PRPF39: variants seen among roughly 807,000 people sequenced by gnomAD.
The protein encoded by PRPF39 is pre-mRNA-processing factor 39.
In PRPF39, 27 loss-of-function variants were observed where a neutral mutation model predicts 82.1. The observed-to-expected ratio is 0.33, with a 90% CI of 0.24 to 0.45. The LOEUF is 0.45. Ranked by LOEUF, PRPF39 falls within the 20% of genes least tolerant of loss-of-function variation. PRPF39 has a pLI of 1.00. For synonymous variants in PRPF39, 261 were observed against 256.4 expected, an observed-to-expected ratio of 1.02 and a Z score of -0.17; for missense variants, 581 against 796.9, an observed-to-expected ratio of 0.73 and a Z score of 3.26.
At chr14:45,107,428 A>G (rs1459700288) in intron 5 of PRPF39, 23 bp from the exon 6 acceptor site, 1 of 1,453,610 alleles carries the variant, frequency 6.9e-7, no homozygotes, top group Admixed American at 2.0e-5. Context: ...TCAAATACAT[A>G]TATTTTTATT....
intron 1 of PRPF39, among the ~76,000 whole-genome samples, chr14:45,088,587 T>C (rs1009871991): frequency 6.6e-6 from 1 of 152,242 alleles, no homozygotes. Context: ...TGTTTCTTAC[T>C]ATTCATGTAC....
chr14:45,110,324 A>AC lies in PRPF39; in HGVS notation c.1303+105dup. On this transcript the variant is annotated intron_variant, in intron 9 of 13. Transcript: ENST00000355765. This position sits in a 1 kb window ranked among gnomAD's most constrained non-coding sequence, Gnocchi z 4.0. ...GATGGTGTAAAGCAGAGTTTGGCAA[A>AC]CTTTTTCTCTAAAGGGCCAGATAGT... The AC allele has an allele frequency of 6.8e-7, 1 of 1,460,522 alleles. No homozygotes were observed. The allele number at this position is 1,460,522 out of a possible 1,614,324, so 90.5% of individuals were successfully genotyped here.
intron 1 of PRPF39, among the ~76,000 whole-genome samples, chr14:45,087,151 G>A (rs1883857099): frequency 1.3e-5 from 2 of 152,160 alleles, no homozygotes; most frequent in Non-Finnish European, 2.9e-5. Context: ...CCAGGTTGAA[G>A]TGCACTGACA....
At chr14:45,099,397 G>A (rs746279392) in intron 4 of PRPF39, among the ~76,000 whole-genome samples, 25 of 151,334 alleles carry the variant, frequency 1.7e-4, no homozygotes, top group Non-Finnish European at 3.2e-4. Flanking sequence ...GCTTTTTGAG[G>A]TATTTCCTTG....
chr14:45,085,525 T>A (rs1185762953), intron 1 of PRPF39, among the ~76,000 whole-genome samples: 4 of 152,156 alleles, frequency 2.6e-5, no homozygotes, highest in Non-Finnish European at 5.9e-5. Flanking sequence ...TCAAAAAAAA[T>A]TAAAAATAGC....
In PRPF39 at chr14:45,115,070, A is replaced by C. The variant is rs2139071297; in HGVS notation, c.*157A>C. 1 of 488,390 alleles carries C rather than the reference A, an allele frequency of 2.0e-6. No homozygotes were observed. Among genetic ancestry groups the C allele is most frequent in the African/African-American group, 2.0e-5 (1 of 51,240 alleles). 30.3% of individuals were successfully genotyped at this position (488,390 alleles called of 1,614,324 possible). A position where few individuals can be genotyped will look rare whatever the true frequency, so the allele number is the denominator to read the frequency against. ...TGTTTAGTAATAGGGGGAAAATGTCAATTAGTAGCTTACCACAGATACTGT... is the reference window on the plus strand; with the variant it reads ...TGTTTAGTAATAGGGGGAAAATGTCCATTAGTAGCTTACCACAGATACTGT... On this transcript the variant is annotated 3_prime_UTR_variant, in exon 14 of 14. Coordinates refer to ENST00000355765, the MANE Select transcript of PRPF39 (RefSeq NM_017922.4).
intron 4 of PRPF39, among the ~76,000 whole-genome samples, chr14:45,098,954 G>T (rs573415616): frequency 4.1e-4 from 62 of 152,266 alleles, no homozygotes; most frequent in African/African-American, 1.4e-3. Context: ...TGTAGAATTT[G>T]GAGTTGAAAA....
Position 45,114,593 on chromosome 14 carries a change from T to C in PRPF39, c.1932T>C (p.Tyr644=). 6.2e-7 allele frequency: 1 copy of C among 1,610,336 alleles called. No individual in the cohort carries two copies. The highest frequency in any genetic ancestry group is 8.5e-7 in the Non-Finnish European group (1 of 1,178,562). Residue 644 remains tyrosine, a synonymous_variant, in exon 13 of 14, where the codon TAT becomes TAC. Transcript: ENST00000355765. Reference sequence around the variant, plus strand: ...ATTTACAGGCAAACCAAGCTGTATATAATTATAGTGCGTGGTATCAAGTGA... The same window carrying C: ...ATTTACAGGCAAACCAAGCTGTATACAATTATAGTGCGTGGTATCAAGTGA... ...DGDLQANQAV[Y]NYSAWYQYNY... is the part of the protein sequence containing the mutation.
chr14:45,104,444 A>G (rs1038002411), intron 5 of PRPF39, among the ~76,000 whole-genome samples: 5 of 151,448 alleles, frequency 3.3e-5, no homozygotes, highest in Admixed American at 6.6e-5. Context: ...TTTTTTTTCC[A>G]TAACACATGC....
At position 45,095,463 on chromosome 14, in the gene PRPF39, C is replaced by T. The variant is rs766941111; in HGVS notation, c.224C>T (p.Ala75Val). 1 of 1,613,760 alleles carries T rather than the reference C, an allele frequency of 6.2e-7. No homozygotes were observed. The highest frequency in any genetic ancestry group is 8.5e-7 in the Non-Finnish European group (1 of 1,179,874). ...DLPVTLTETE[A>V]NFPPEYEKFW... ...CCAGTGACGCTGACAGAAACAGAAG[C>T]AAATTTCCCTCCAGAATATGAAAAA... Residue 75 changes from alanine to valine, a missense_variant, in exon 2 of 14, where the codon GCA (alanine) becomes GTA (valine). Transcript: ENST00000355765.
chr14:45,106,803 G>T (rs1025575258), intron 5 of PRPF39, among the ~76,000 whole-genome samples: 3 of 152,158 alleles, frequency 2.0e-5, no homozygotes, highest in African/African-American at 7.2e-5. Flanking sequence ...TTTAGGGCAG[G>T]TAAGAAGGGG....
rs563230770 is a variant in PRPF39, at chr14:45,096,998, A to G, written c.562A>G (p.Ile188Val). 1 of 1,535,600 alleles carries G rather than the reference A, an allele frequency of 6.5e-7. No individual in the cohort carries two copies. The highest frequency in any genetic ancestry group is 1.2e-5 in the South Asian group (1 of 80,268). Reference protein sequence around the residue: ...DPGDPETNNTIRGTFEHAVLA... With the variant: ...DPGDPETNNTVRGTFEHAVLA... Reference sequence around the variant, plus strand: ...TGGTGATCCTGAGACAAACAATACAATAAGAGGGTATGTGGAACATTGATA... The same window carrying G: ...TGGTGATCCTGAGACAAACAATACAGTAAGAGGGTATGTGGAACATTGATA... Residue 188 changes from isoleucine (I) to valine (V), a missense_variant, in exon 4 of 14, where the codon ATA becomes GTA. Ile to Val is a conservative substitution (Grantham distance 29, BLOSUM62 3). Coordinates refer to ENST00000355765, the MANE Select transcript of PRPF39 (RefSeq NM_017922.4).
At chr14:45,112,864 A>G (rs1884733929) in intron 11 of PRPF39, among the ~76,000 whole-genome samples, 1 of 152,230 alleles carries the variant, frequency 6.6e-6, no homozygotes, top group South Asian at 2.1e-4. Flanking sequence ...GATGGGATTA[A>G]TCTCCAGTAG....
chr14:45,102,280 A>C (rs1594731296), intron 4 of PRPF39, among the ~76,000 whole-genome samples: 1 of 152,202 alleles, frequency 6.6e-6, no homozygotes, highest in Non-Finnish European at 1.5e-5. Context: ...CAATGTGTAC[A>C]TTTTGTATTT....
intron 4 of PRPF39, among the ~76,000 whole-genome samples, chr14:45,101,902 G>T (rs1348696405): frequency 1.3e-5 from 2 of 151,878 alleles, no homozygotes; most frequent in East Asian, 3.9e-4. Flanking sequence ...CGCCTGCCGG[G>T]TTCAAGCAAT....
At chr14:45,096,717 G>T (rs1330229087) in intron 3 of PRPF39, 170 bp from the exon 4 acceptor site, 5 of 1,528,600 alleles carry the variant, frequency 3.3e-6, no homozygotes, top group Non-Finnish European at 3.5e-6. Context: ...TGCACGTGGG[G>T]ATCAGAACAT....
intron 1 of PRPF39, among the ~76,000 whole-genome samples, chr14:45,086,007 G>A (rs1883816233): frequency 6.6e-6 from 1 of 151,528 alleles, no homozygotes; most frequent in African/African-American, 2.4e-5. Context: ...GTGCAATGGC[G>A]CTATTGGCTC....
At chr14:45,100,243 C>T (rs1027434654) in intron 4 of PRPF39, among the ~76,000 whole-genome samples, 1 of 151,952 alleles carries the variant, frequency 6.6e-6, no homozygotes, top group Admixed American at 6.6e-5. Flanking sequence ...AACAAACAAA[C>T]AAACAAACAA....
chr14:45,093,141 A>T (rs1015381378), intron 1 of PRPF39, among the ~76,000 whole-genome samples: 2 of 152,188 alleles, frequency 1.3e-5, no homozygotes, highest in Non-Finnish European at 2.9e-5. Context: ...ATATGTATTT[A>T]AAAAATCTAT....
Sources: gnomAD v4.1 joint callset for allele counts (sites outside exome capture counted in the v4.1 genomes callset) on GRCh38, gnomAD v4.1.1 for gene constraint, Gnocchi (gnomAD v3.1) non-coding constraint, MANE v1.5 for transcripts, NCBI Gene and HGNC (gene_info 2026-07-23, HGNC 2026-07-21) for gene names.